Variants in RC3H1 observed in about 807,000 individuals in gnomAD.
The protein encoded by RC3H1 is ring finger and CCCH-type domains 1, also known as roquin-1.
RC3H1 carries 50 observed loss-of-function variants against 138.2 expected under a neutral mutation model. The ratio of observed to expected loss-of-function variants is 0.36; its 90% CI spans 0.29 to 0.46. The LOEUF is 0.46. RC3H1 is among the 20% of genes least tolerant of loss of function. RC3H1 has a pLI of 1.00. For synonymous variants in RC3H1, 462 were observed against 489.1 expected (o/e 0.94, Z 0.73); for missense variants, 1,031 against 1,388.1 (o/e 0.74, Z 4.09).
At chr1:173,967,902 CTT>C (rs1660192019) in intron 9 of RC3H1, among the ~76,000 whole-genome samples, 1 of 152,184 alleles carries the variant, frequency 6.6e-6, no homozygotes, top group South Asian at 2.1e-4. Flanking sequence ...CAAAAATCCT[CTT>C]AACTACTCTG....
At position 173,957,058 on chromosome 1, in the gene RC3H1, C is replaced by T. The variant is rs112976886; in HGVS notation, c.2370+4019G>A. Among the ~76,000 whole-genome samples, 582 of 152,084 alleles carry T rather than the reference C, an allele frequency of 3.8e-3. 3 individuals are homozygous for T. The highest frequency in any genetic ancestry group is 0.014 in the Middle Eastern group (4 of 294). On this transcript the variant is annotated intron_variant, in intron 13 of 19. Transcript: ENST00000367696. The stretch of plus-strand genomic sequence containing the variant: ...TCTCCCGAGTAGCTGGGATTACAGG[C>T]GCCCACCATCATGCCCGGCTAATTT...
chr1:174,004,010 GT>G (rs938439108), intron 1 of RC3H1, among the ~76,000 whole-genome samples: 8 of 148,556 alleles, frequency 5.4e-5, no homozygotes, highest in Non-Finnish European at 1.0e-4. Context: ...AGTCACTGAA[GT>G]TTTTTTAATC....
rs150249704 is a variant in RC3H1, at chr1:174,011,942, G to C, written c.-151+10154C>G. Among the ~76,000 whole-genome samples, 175 of 152,246 alleles carry C rather than the reference G, an allele frequency of 1.1e-3. 1 individual carries two copies. The highest frequency in any genetic ancestry group is 4.1e-3 in the African/African-American group (171 of 41,554). ...CTAAAATGGGTCACAGCCAGGCACG[G>C]TGGCTCATGACTAATCCCAGCAGTT... is the stretch of plus-strand genomic sequence containing the variant. On this transcript the variant is annotated intron_variant, in intron 1 of 19. Coordinates refer to ENST00000367696, the MANE Select transcript of RC3H1 (RefSeq NM_172071.4).
At chr1:173,997,830 A>G (rs1343250247) in intron 1 of RC3H1, among the ~76,000 whole-genome samples, 1 of 152,184 alleles carries the variant, frequency 6.6e-6, no homozygotes, top group Admixed American at 6.5e-5. Flanking sequence ...GACTTAAAAA[A>G]TCACAAGGCA....
chr1:173,946,247 G>A (rs191457853), intron 17 of RC3H1, among the ~76,000 whole-genome samples: 2 of 152,204 alleles, frequency 1.3e-5, no homozygotes, highest in African/African-American at 2.4e-5. Flanking sequence ...ATAAGCTCCT[G>A]TTGGGAAATT....
intron 15 of RC3H1, 87 bp from the exon 16 acceptor site, chr1:173,946,923 G>T: frequency 2.3e-6 from 2 of 865,050 alleles, no homozygotes; most frequent in Non-Finnish European, 1.9e-6. Flanking sequence ...TCAGCGTATT[G>T]CATACACAGG....
intron 2 of RC3H1, among the ~76,000 whole-genome samples, chr1:173,989,751 G>C (rs1209644226): frequency 8.6e-6 from 1 of 116,188 alleles, no homozygotes; most frequent in Non-Finnish European, 1.6e-5. Context: ...ACGGAGTCTC[G>C]CTCTGTCGCC....
chr1:174,008,737 G>A (rs1661697241), intron 1 of RC3H1, among the ~76,000 whole-genome samples: 1 of 152,122 alleles, frequency 6.6e-6, no homozygotes, highest in Non-Finnish European at 1.5e-5. Flanking sequence ...AGCACTCTGG[G>A]AGGCCAAGGC....
At chr1:174,019,466 T>C (rs1167697428) in intron 1 of RC3H1, among the ~76,000 whole-genome samples, 1 of 152,220 alleles carries the variant, frequency 6.6e-6, no homozygotes, top group Non-Finnish European at 1.5e-5. Flanking sequence ...ATAGCTACTC[T>C]TAGCTTCACA....
chr1:174,018,037 A>C (rs369706547), intron 1 of RC3H1, among the ~76,000 whole-genome samples: 5 of 151,972 alleles, frequency 3.3e-5, no homozygotes, highest in Non-Finnish European at 7.4e-5. Context: ...GCAAAATGCT[A>C]TCTCTATAAA....
At chr1:173,982,576 A>AC (rs1164575373) in intron 5 of RC3H1, 151 bp downstream of exon 5, 1 of 538,486 alleles carries the variant, frequency 1.9e-6, no homozygotes, top group African/African-American at 1.9e-5. Flanking sequence ...CTATAATAAG[A>AC]CCCCATCTAC....
At position 173,932,296 on chromosome 1, in the gene RC3H1, G is replaced by A. The variant is rs1307462525; in HGVS notation, c.*6425C>T. 1 of 152,038 alleles carries A rather than the reference G, an allele frequency of 6.6e-6. No individual in the cohort carries two copies. The highest frequency in any genetic ancestry group is 2.4e-5 in the African/African-American group (1 of 41,416). The allele number at this position is 152,038 out of a possible 1,614,324, so 9.4% of individuals were successfully genotyped here. A position where few individuals can be genotyped will look rare whatever the true frequency, so the allele number is the denominator to read the frequency against. ...AAAAAGGTGATAATGACTGCAGAAT[G>A]TCTCGGGGAGACTGATATGAGCCTA... is the stretch of plus-strand genomic sequence containing the variant. On this transcript the variant is annotated 3_prime_UTR_variant, in exon 20 of 20. Transcript: ENST00000367696.
Position 173,943,619 on chromosome 1 carries a change from G to A in RC3H1, c.2962-4C>T. 6.2e-7 allele frequency: 1 copy of A among 1,609,932 alleles called. No individual in the cohort carries two copies. On this transcript the variant is annotated splice_polypyrimidine_tract_variant and splice_region_variant and intron_variant, in intron 17 of 19. Coordinates refer to ENST00000367696, the MANE Select transcript of RC3H1 (RefSeq NM_172071.4). Reference sequence around the variant, plus strand: ...ACACCAGCCTGTTACTAACAGCCTAGTGCATAAAGCCAAGCACACAGAAAA... The same window carrying A: ...ACACCAGCCTGTTACTAACAGCCTAATGCATAAAGCCAAGCACACAGAAAA...
chr1:173,997,324 A>G lies in RC3H1; in HGVS notation c.-150-4189T>C, dbSNP rs181713242. Among the ~76,000 whole-genome samples, 1,018 of 152,314 alleles carry G rather than the reference A, an allele frequency of 6.7e-3. 5 individuals carry two copies. The highest frequency in any genetic ancestry group is 9.4e-3 in the Non-Finnish European group (642 of 68,032). On this transcript the variant is annotated intron_variant, in intron 1 of 19. Transcript: ENST00000367696. Reference sequence around the variant, plus strand: ...CTTATATAAGTACAAATAAATTGAAAGAGTAACACAAAGCTAGAGTACACT... The same window carrying G: ...CTTATATAAGTACAAATAAATTGAAGGAGTAACACAAAGCTAGAGTACACT...
chr1:173,996,172 T>G (rs530302727), intron 1 of RC3H1, among the ~76,000 whole-genome samples: 1 of 152,200 alleles, frequency 6.6e-6, no homozygotes, highest in African/African-American at 2.4e-5. Flanking sequence ...TTGGACTGCT[T>G]GAACCCGGGA....
chr1:173,982,835 T>C lies in RC3H1; in HGVS notation c.660A>G (p.Lys220=). 1 of 1,613,772 alleles carries C rather than the reference T, an allele frequency of 6.2e-7. No individual in the cohort carries two copies. The highest frequency in any genetic ancestry group is 8.5e-7 in the Non-Finnish European group (1 of 1,179,842). ...ALEDGSALSR[K]VLVLFVVQRL... is the part of the protein sequence containing the mutation. ...TTTGCACCACAAACAGAACCAATACTTTTCTTGACAAAGCAGAACCATCTT... is the reference window on the plus strand; with the variant it reads ...TTTGCACCACAAACAGAACCAATACCTTTCTTGACAAAGCAGAACCATCTT... The change falls in exon 5 of 20, where the codon AAA becomes AAG. Residue 220 remains lysine, a synonymous_variant. Coordinates refer to ENST00000367696, the MANE Select transcript of RC3H1 (RefSeq NM_172071.4).
At chr1:173,991,710 G>A (rs1446855691) in intron 2 of RC3H1, among the ~76,000 whole-genome samples, 1 of 152,152 alleles carries the variant, frequency 6.6e-6, no homozygotes, top group East Asian at 1.9e-4. Flanking sequence ...TGTCTATTGA[G>A]ATGATCATAT....
At chr1:173,980,700 A>T in intron 6 of RC3H1, 109 bp downstream of exon 6, 2 of 691,248 alleles carry the variant, frequency 2.9e-6, no homozygotes, top group Admixed American at 6.0e-5. Flanking sequence ...CACTGGCTAT[A>T]AATACAATTT....
rs555860491 is a variant in RC3H1 at position 173,972,560 on chromosome 1, C to G, written c.1170G>C (p.Gly390=). 1 of 1,614,120 alleles carries G rather than the reference C, an allele frequency of 6.2e-7. No homozygotes were observed. Among genetic ancestry groups the G allele is most frequent in the South Asian group, 1.1e-5 (1 of 91,082 alleles). The change falls in exon 8 of 20, where the codon GGG becomes GGC. Residue 390 remains glycine, a synonymous_variant. Transcript: ENST00000367696. ...GLVAVRTVVH[G]LVDYIQNHSK... Reference sequence around the variant, plus strand: ...TGTGGTTCTGGATATAATCAACCAGCCCATGTACCACTGTACGCACAGCAA... The same window carrying G: ...TGTGGTTCTGGATATAATCAACCAGGCCATGTACCACTGTACGCACAGCAA...
Sources: allele counts gnomAD v4.1 joint callset (sites outside exome capture counted in the v4.1 genomes callset), GRCh38; gene constraint gnomAD v4.1.1; transcripts MANE v1.5; gene names NCBI Gene and HGNC (gene_info 2026-07-23, HGNC 2026-07-21).